Variants in AARS2 observed in about 807,000 individuals in gnomAD.
AARS2 encodes the protein alanyl-tRNA synthetase 2, mitochondrial.
AARS2 carries 78 observed loss-of-function variants against 119.7 expected under a neutral mutation model. The ratio of observed to expected loss-of-function variants is 0.65; its 90% CI spans 0.54 to 0.79. The LOEUF (loss-of-function observed/expected upper bound fraction) is 0.79, where lower values mean the gene tolerates loss of function less well. AARS2 is among the 30% of genes least tolerant of loss of function. The pLI is 0.00. For synonymous variants in AARS2, 502 were observed against 526.3 expected (o/e 0.95, Z 0.63); for missense variants, 1,157 against 1,291.3 (o/e 0.90, Z 1.59).
intron 7 of AARS2, 51 bp downstream of exon 7, chr6:44,306,872 T>A (rs1243018272): frequency 6.4e-7 from 1 of 1,553,984 alleles, no homozygotes. Flanking sequence ...AGTGGTAGGC[T>A]CCCCAAAGTG....
At chr6:44,301,578 CAA>C in intron 19 of AARS2, 114 bp from the exon 20 acceptor site, 11 of 1,037,802 alleles carry the variant, frequency 1.1e-5, no homozygotes, top group Middle Eastern at 2.9e-4. Context: ...CCACCCACCC[CAA>C]AAGTCATTAG....
In AARS2 at chr6:44,307,160, C is replaced by T. The variant is rs1472649753; in HGVS notation, c.1040+89G>A. Reference sequence around the variant, plus strand: ...TCCCTCTCCCCATTCCTCCTACTGGCTCAACCAGACCCACCTCTCCTGTTC... The same window carrying T: ...TCCCTCTCCCCATTCCTCCTACTGGTTCAACCAGACCCACCTCTCCTGTTC... On this transcript the variant is annotated intron_variant, in intron 6 of 21. Transcript: ENST00000244571. The surrounding 1 kb of genome is among the most constrained non-coding windows in gnomAD (Gnocchi z 4.4). 1.9e-6 allele frequency: 3 copies of T among 1,600,982 alleles called. No individual in the cohort carries two copies. The highest frequency in any genetic ancestry group is 2.6e-6 in the Non-Finnish European group (3 of 1,172,154).
chr6:44,306,280 C>G lies in AARS2; in HGVS notation c.1300G>C (p.Ala434Pro). ...TGCATGGGCTAGGTATCCTGCTTAC[C>G]AGGGAACATATCTGAAGGCCCCAGG... ...RTLGPSDMFPAEVAWSLSLCG... is the reference protein window; with the variant it reads ...RTLGPSDMFPPEVAWSLSLCG... Residue 434 changes from alanine (A) to proline (P), a missense_variant and splice_region_variant, in exon 9 of 22, where the codon GCT becomes CCT. Transcript: ENST00000244571. 1.2e-6 allele frequency: 2 copies of G among 1,614,022 alleles called. No individual in the cohort carries two copies. Among genetic ancestry groups the G allele is most frequent in the Middle Eastern group, 3.3e-4 (2 of 6,060 alleles).
At chr6:44,308,460 G>C (rs1786056246) in intron 5 of AARS2, among the ~76,000 whole-genome samples, 1 of 151,696 alleles carries the variant, frequency 6.6e-6, no homozygotes, top group Admixed American at 6.6e-5. Flanking sequence ...AATTGCTTGA[G>C]CCCCGGAGGC....
chr6:44,311,553 A>C lies in AARS2; in HGVS notation c.436-18T>G. On this transcript the variant is annotated intron_variant, in intron 2 of 21. Transcript: ENST00000244571. ...GCCTCCTCCTGCAGCAGAAACCAGC[A>C]TGGGGTGGGGGGGGAAGACGGGTGA... is the stretch of plus-strand genomic sequence containing the variant. 1.3e-6 allele frequency: 2 copies of C among 1,513,152 alleles called. No individual in the cohort carries two copies. The highest frequency in any genetic ancestry group is 2.5e-5 in the East Asian group (1 of 39,276). The allele number at this position is 1,513,152 out of a possible 1,614,324, so 93.7% of individuals were successfully genotyped here. A position where few individuals can be genotyped will look rare whatever the true frequency, so the allele number is the denominator to read the frequency against.
In AARS2 at chr6:44,307,804, T is replaced by C. The variant is rs1007080690; in HGVS notation, c.895-410A>G. Among the ~76,000 whole-genome samples the C allele has an allele frequency of 6.6e-6, 1 of 152,192 alleles. No individual in the cohort carries two copies. Among genetic ancestry groups the C allele is most frequent in the Non-Finnish European group, 1.5e-5 (1 of 68,028 alleles). On this transcript the variant is annotated intron_variant, in intron 5 of 21. Transcript: ENST00000244571. This position sits in a 1 kb window ranked among gnomAD's most constrained non-coding sequence, Gnocchi z 4.4. Reference sequence around the variant, plus strand: ...AGATCTGAGATCTCAGCCGGGCCTGTTGGACTCCAGGTGCTCTCCACTACC... The same window carrying C: ...AGATCTGAGATCTCAGCCGGGCCTGCTGGACTCCAGGTGCTCTCCACTACC...
At chr6:44,302,940 G>A (rs746063806) in intron 16 of AARS2, 30 bp from the exon 17 acceptor site, 9 of 1,609,390 alleles carry the variant, frequency 5.6e-6, no homozygotes, top group East Asian at 2.2e-5. Context: ...ACAGAAAGTC[G>A]GGGCATGACA....
chr6:44,308,358 G>C (rs1338242787), intron 5 of AARS2, among the ~76,000 whole-genome samples: 1 of 152,036 alleles, frequency 6.6e-6, no homozygotes, highest in Non-Finnish European at 1.5e-5. Context: ...GCCAATCCTG[G>C]TGAAACCCCA....
At chr6:44,309,706 A>G (rs1786185294) in intron 5 of AARS2, among the ~76,000 whole-genome samples, 2 of 152,138 alleles carry the variant, frequency 1.3e-5, no homozygotes, top group African/African-American at 4.8e-5. Flanking sequence ...ATAGCCTGGG[A>G]GCCATCTTTG....
In AARS2 at chr6:44,302,996, G is replaced by A. The variant is rs560761240; in HGVS notation, c.2255+70C>T. 15 of 1,605,190 alleles carry A rather than the reference G, an allele frequency of 9.3e-6. No individual in the cohort carries two copies. The East Asian group carries it at 2.9e-4, about 31-fold the overall frequency. On this transcript the variant is annotated intron_variant, in intron 16 of 21. Coordinates refer to ENST00000244571, the MANE Select transcript of AARS2 (RefSeq NM_020745.4). Reference sequence around the variant, plus strand: ...CGTGCATCTCCCATTAAGGGCTGATGGCTCCAAAGACCAAGGGAAGGGCAA... The same window carrying A: ...CGTGCATCTCCCATTAAGGGCTGATAGCTCCAAAGACCAAGGGAAGGGCAA...
At position 44,303,095 on chromosome 6, in the gene AARS2, C is replaced by T. The variant is rs1785499590; in HGVS notation, c.2226G>A (p.Leu742=). The T allele has an allele frequency of 6.2e-7, 1 of 1,614,124 alleles. No homozygotes were observed. The highest frequency in any genetic ancestry group is 1.3e-5 in the African/African-American group (1 of 75,066). Residue 742 remains leucine (L), a synonymous_variant, in exon 16 of 22, where the codon CTG becomes CTA. Coordinates refer to ENST00000244571, the MANE Select transcript of AARS2 (RefSeq NM_020745.4). ...HALDPASQAA[L]QTSVELCCGT... ...CACAGCATAGCTCCACAGAGGTCTG[C>T]AGTGCGGCTTGGGAGGCTGGGTCCA...
chr6:44,301,310 C>T, intron 20 of AARS2, 44 bp from the exon 21 acceptor site: 2 of 1,613,332 alleles, frequency 1.2e-6, no homozygotes, highest in Non-Finnish European at 1.7e-6. Context: ...CTTCCCAGAC[C>T]CCTAGCTGTC....
rs955454059 is a variant in AARS2, at chr6:44,307,380, G to A, written c.909C>T (p.Pro303=). Residue 303 remains proline (P), a synonymous_variant, in exon 6 of 22, where the codon CCC becomes CCT. Transcript: ENST00000244571. The surrounding 1 kb of genome is among the most constrained non-coding windows in gnomAD (Gnocchi z 4.4). ...LNAIQQGCRA[P]PYLGRVGVAD... ...CCACCCCTACTCGGCCCAAGTAAGG[G>A]GGTGCCCTGCAGCCCTGGGAAGCAG... The A allele has an allele frequency of 1.2e-6, 2 of 1,606,212 alleles. No homozygotes were observed. The highest frequency in any genetic ancestry group is 4.5e-5 in the East Asian group (2 of 44,606).
intron 19 of AARS2, 109 bp from the exon 20 acceptor site, chr6:44,301,573 C>G: frequency 9.1e-7 from 1 of 1,098,432 alleles, no homozygotes; most frequent in South Asian, 1.3e-5. Context: ...TTCCCCCACC[C>G]ACCCCAAAAG....
Position 44,301,282 on chromosome 6 carries a change from C to T in AARS2, c.2683-16G>A, listed in dbSNP as rs1337248303. The T allele has an allele frequency of 1.2e-6, 2 of 1,613,906 alleles. No individual in the cohort carries two copies. Among genetic ancestry groups the T allele is most frequent in the Non-Finnish European group, 1.7e-6 (2 of 1,179,914 alleles). On this transcript the variant is annotated splice_polypyrimidine_tract_variant and intron_variant, in intron 20 of 21. Transcript: ENST00000244571. Reference sequence around the variant, plus strand: ...TCACCAGCACCTGGACCACGAAAGACAGATGGTGAGCCCATCGCTTCCCAG... The same window carrying T: ...TCACCAGCACCTGGACCACGAAAGATAGATGGTGAGCCCATCGCTTCCCAG...
Position 44,300,557 on chromosome 6 carries a change from CT to C in AARS2, c.2947del (p.Ser983AlafsTer61). ...CTGGGCGGACCTGGGTCAGAGCTGGCTGAGGGCATAGGTTTGGGCTATACTG... is the reference window on the plus strand; with the variant it reads ...CTGGGCGGACCTGGGTCAGAGCTGGCGAGGGCATAGGTTTGGGCTATACTG... ...ALSIAQTYAL[S>X]QL On this transcript the variant is annotated frameshift_variant, in exon 22 of 22. Coordinates refer to ENST00000244571, the MANE Select transcript of AARS2 (RefSeq NM_020745.4). LOFTEE classifies it high-confidence loss of function. 6.2e-7 allele frequency: 1 copy of C among 1,614,032 alleles called. No individual in the cohort carries two copies. Among genetic ancestry groups the C allele is most frequent in the Non-Finnish European group, 8.5e-7 (1 of 1,180,034 alleles).
intron 19 of AARS2, 40 bp downstream of exon 19, chr6:44,302,020 G>A (rs752885095): frequency 1.3e-6 from 2 of 1,598,598 alleles, no homozygotes; most frequent in African/African-American, 1.3e-5. Context: ...ATCTGCTGGA[G>A]TGTCTCTGGG....
intron 3 of AARS2, 114 bp downstream of exon 3, chr6:44,311,276 G>A: frequency 6.2e-7 from 1 of 1,601,602 alleles, no homozygotes; most frequent in Non-Finnish European, 8.6e-7. Context: ...GAACAGGGCT[G>A]ACCCCACAAT....
Position 44,304,417 on chromosome 6 carries a change from T to G in AARS2, c.1866+3A>C. 2 of 1,614,102 alleles carry G rather than the reference T, an allele frequency of 1.2e-6. No homozygotes were observed. The highest frequency in any genetic ancestry group is 2.2e-5 in the South Asian group (2 of 91,082). On this transcript the variant is annotated splice_donor_region_variant and intron_variant, in intron 13 of 21. Coordinates refer to ENST00000244571, the MANE Select transcript of AARS2 (RefSeq NM_020745.4). ...ATTGGGAACAGTTAGGGAGGATCCT[T>G]ACCTCATCCACATGCAGCTGCACCT...
Sources: allele counts gnomAD v4.1 joint callset (sites outside exome capture counted in the v4.1 genomes callset), GRCh38; gene constraint gnomAD v4.1.1; non-coding constraint Gnocchi (gnomAD v3.1); transcripts MANE v1.5; gene names NCBI Gene and HGNC (gene_info 2026-07-23, HGNC 2026-07-21).